ADAMTS8: variants seen among roughly 807,000 people sequenced by gnomAD.
ADAMTS8 encodes ADAM metallopeptidase with thrombospondin type 1 motif 8, also known as A disintegrin and metalloproteinase with thrombospondin motifs 8.
In ADAMTS8, 50 loss-of-function variants were observed where a neutral mutation model predicts 64.4. The ratio of observed to expected loss-of-function variants is 0.78; its 90% CI spans 0.62 to 0.98. The LOEUF (loss-of-function observed/expected upper bound fraction) is 0.98. Ranked by LOEUF, ADAMTS8 falls within the 50% of genes least tolerant of loss-of-function variation. The pLI, the probability that ADAMTS8 is intolerant of heterozygous loss-of-function variation, is 0.00. For missense variants in ADAMTS8, 1,192 were observed against 1,208.2 expected, an observed-to-expected ratio of 0.99 and a Z score of 0.20; for synonymous variants, 556 against 533.6, an observed-to-expected ratio of 1.04 and a Z score of -0.58.
In ADAMTS8 at chr11:130,414,773, G is replaced by A. The variant is rs36124917; in HGVS notation, c.1324C>T (p.Arg442Cys). Residue 442 changes from arginine to cysteine, a missense_variant, in exon 5 of 9, where the codon CGC becomes TGC. Arg to Cys is a radical substitution (Grantham distance 180, BLOSUM62 -3). This residue lies in a region of ADAMTS8 where 741 missense variants were observed against 710.6 expected (regional missense o/e 1.04). Coordinates refer to ENST00000257359, the MANE Select transcript of ADAMTS8 (RefSeq NM_007037.6). ...TGGTCCAGCTGGTACAGGGCCATGC[G>A]GCCCGGGAGGCCTGTGGGGAGGGGC... ...ALPLPTGLPG[R>C]MALYQLDQQC... is the part of the protein sequence containing the mutation. 4.3e-3 allele frequency: 6,922 copies of A among 1,613,172 alleles called. 18 individuals are homozygous for A. The highest frequency in any genetic ancestry group is 5.2e-3 in the Non-Finnish European group (6,192 of 1,179,908).
intron 6 of ADAMTS8, among the ~76,000 whole-genome samples, chr11:130,410,758 C>CT (rs746740409): frequency 2.6e-5 from 4 of 152,162 alleles, no homozygotes; most frequent in Non-Finnish European, 5.9e-5. Context: ...TTTACTGCCT[C>CT]TAAGTTAATG....
chr11:130,422,502 G>A (rs77044255), intron 1 of ADAMTS8, among the ~76,000 whole-genome samples: 8 of 152,226 alleles, frequency 5.3e-5, no homozygotes, highest in African/African-American at 1.2e-4. Context: ...CGGCGCGCCT[G>A]GGGGGAGGTC....
intron 1 of ADAMTS8, 119 bp downstream of exon 1, chr11:130,427,448 G>A: frequency 3.0e-6 from 3 of 993,506 alleles, no homozygotes; most frequent in Non-Finnish European, 4.2e-6. Flanking sequence ...TGAGTGGGGA[G>A]GGCTTTTTTT....
At position 130,414,540 on chromosome 11, in the gene ADAMTS8, C is replaced by T. The variant is rs2134680205; in HGVS notation, c.1557G>A (p.Glu519=). The stretch of plus-strand genomic sequence containing the variant: ...AGGGGCTGTCCCTCACCTTGGGCCT[C>T]TCCACTTCCTCCTCAGGTAGACAGC... ...EGSCLPEEEV[E]RPKPVADGGW... The change falls in exon 5 of 9, where the codon GAG becomes GAA. Residue 519 remains glutamate (E), a synonymous_variant. Transcript: ENST00000257359. The T allele has an allele frequency of 6.3e-7, 1 of 1,599,916 alleles. No individual in the cohort carries two copies. The highest frequency in any genetic ancestry group is 1.7e-5 in the Admixed American group (1 of 59,344).
intron 2 of ADAMTS8, among the ~76,000 whole-genome samples, chr11:130,418,345 G>A (rs1160258942): frequency 6.6e-6 from 1 of 150,746 alleles, no homozygotes; most frequent in African/African-American, 2.5e-5. Flanking sequence ...CCTAGGGCTG[G>A]CTGCATCCTA....
rs375035864 is a variant in ADAMTS8 at position 130,427,575 on chromosome 11, C to T, written c.712G>A (p.Asp238Asn). Reference protein sequence around the residue: ...DASMAAFYGADLQNHILTLMS... With the variant: ...DASMAAFYGANLQNHILTLMS... ...GAGGCTCTCAGTCCTACCTGCAGGT[C>T]GGCCCCGTAGAAGGCAGCCATGGAC... The change falls in exon 1 of 9, where the codon GAC (aspartate) becomes AAC (asparagine). Residue 238 changes from aspartate to asparagine, a missense_variant. Physicochemically the swap from Asp to Asn is conservative, Grantham distance 23 (BLOSUM62 1). Around this residue, in one of 5 missense-constraint regions of ADAMTS8, gnomAD observed 741 missense variants for 710.6 expected, o/e 1.04. Coordinates refer to ENST00000257359, the MANE Select transcript of ADAMTS8 (RefSeq NM_007037.6). 14 of 1,537,320 alleles carry T rather than the reference C, an allele frequency of 9.1e-6. No individual in the cohort carries two copies. In the East Asian group the frequency reaches 1.7e-4, roughly 19 times the overall value.
At chr11:130,418,007 C>CAAAAAAAAAAAAAAAA (rs5795694) in intron 2 of ADAMTS8, among the ~76,000 whole-genome samples, 2 of 93,936 alleles carry the variant, frequency 2.1e-5, no homozygotes, top group Admixed American at 1.2e-4. Context: ...CTACAAAAAG[C>CAAAAAAAAAAAAAAAA]AAAAAAAAAA....
intron 1 of ADAMTS8, among the ~76,000 whole-genome samples, chr11:130,425,656 A>G (rs558947268): frequency 1.2e-4 from 18 of 147,710 alleles, no homozygotes; most frequent in East Asian, 6.0e-4. Context: ...GCTGGAGTGC[A>G]GTGGCGCGGT....
chr11:130,405,652 C>T lies in ADAMTS8; in HGVS notation c.2576G>A (p.Cys859Tyr). Reference sequence around the variant, plus strand: ...AGAGGCCTGGCCGGAGGGGTCCCTGCACTCTACAGTTCGCCTCTGCCAGCC... The same window carrying T: ...AGAGGCCTGGCCGGAGGGGTCCCTGTACTCTACAGTTCGCCTCTGCCAGCC... ...GAGWQRRTVE[C>Y]RDPSGQASAT... Residue 859 changes from cysteine (C) to tyrosine (Y), a missense_variant, in exon 9 of 9, where the codon TGC becomes TAC. Coordinates refer to ENST00000257359, the MANE Select transcript of ADAMTS8 (RefSeq NM_007037.6). 6.2e-7 allele frequency: 1 copy of T among 1,614,124 alleles called. No individual in the cohort carries two copies.
intron 2 of ADAMTS8, 42 bp downstream of exon 2, chr11:130,419,011 T>C (rs2134686016): frequency 1.9e-6 from 3 of 1,611,884 alleles, no homozygotes; most frequent in Non-Finnish European, 2.5e-6. Context: ...CTGCCCATCC[T>C]GTCTCCCTTC....
At chr11:130,408,328 G>T in intron 8 of ADAMTS8, 136 bp downstream of exon 8, 2 of 1,045,398 alleles carry the variant, frequency 1.9e-6, no homozygotes, top group Non-Finnish European at 1.4e-6. Flanking sequence ...AGAAACTGAA[G>T]CTCGGAGAGT....
chr11:130,424,647 G>A (rs1406691905), intron 1 of ADAMTS8, among the ~76,000 whole-genome samples: 1 of 152,188 alleles, frequency 6.6e-6, no homozygotes, highest in African/African-American at 2.4e-5. Context: ...GGAGGTGGGT[G>A]TGGGCAGCCA....
In ADAMTS8 at chr11:130,411,169, C is replaced by T. The variant is rs539217939; in HGVS notation, c.1750+248G>A. On this transcript the variant is annotated intron_variant, in intron 6 of 8. Transcript: ENST00000257359. This position sits in a 1 kb window ranked among gnomAD's most constrained non-coding sequence, Gnocchi z 4.2. Reference sequence around the variant, plus strand: ...AATTTCTCTCCTTGACTTTGCCAGGCTCTCTGAACACTATGAGAGCTGTCC... The same window carrying T: ...AATTTCTCTCCTTGACTTTGCCAGGTTCTCTGAACACTATGAGAGCTGTCC... Among the ~76,000 whole-genome samples, 1 of 152,286 alleles carries T rather than the reference C, an allele frequency of 6.6e-6. No homozygotes were observed. The highest frequency in any genetic ancestry group is 2.1e-4 in the South Asian group (1 of 4,824).
rs778562864 is a variant in ADAMTS8, at chr11:130,428,063, A to T, written c.224T>A (p.Leu75Gln). The change falls in exon 1 of 9, where the codon CTA becomes CAA. Residue 75 changes from leucine (L) to glutamine (Q), a missense_variant. Leu to Gln is a moderately radical substitution (Grantham distance 113). This residue lies in a region of ADAMTS8 where 741 missense variants were observed against 710.6 expected (regional missense o/e 1.04). Transcript: ENST00000257359. Reference protein sequence around the residue: ...VLRLAPDDSFLAPEFKIERLG... With the variant: ...VLRLAPDDSFQAPEFKIERLG... The stretch of plus-strand genomic sequence containing the variant: ...GCGCTCGATCTTGAACTCGGGCGCT[A>T]GGAAGCTGTCGTCGGGCGCCAGGCG... 3.3e-5 allele frequency: 51 copies of T among 1,534,914 alleles called. No homozygotes were observed. Among genetic ancestry groups the T allele is most frequent in the Non-Finnish European group, 4.0e-5 (46 of 1,148,974 alleles).
chr11:130,428,483 T>G lies in ADAMTS8; in HGVS notation c.-197A>C. The G allele has an allele frequency of 7.2e-6, 7 of 977,082 alleles. No individual in the cohort carries two copies. The highest frequency in any genetic ancestry group is 5.1e-4 in the Middle Eastern group (1 of 1,952). The allele number at this position is 977,082 out of a possible 1,614,324, so 60.5% of individuals were successfully genotyped here. On this transcript the variant is annotated 5_prime_UTR_variant, in exon 1 of 9. Coordinates refer to ENST00000257359, the MANE Select transcript of ADAMTS8 (RefSeq NM_007037.6). Reference sequence around the variant, plus strand: ...CCCTCTGGCTGGCGCAGCCCGCTCCTCCCGCGCCGCCGCCCCCGAGCCGAG... The same window carrying G: ...CCCTCTGGCTGGCGCAGCCCGCTCCGCCCGCGCCGCCGCCCCCGAGCCGAG...
At chr11:130,421,713 C>T (rs1240655152) in intron 1 of ADAMTS8, among the ~76,000 whole-genome samples, 2 of 152,184 alleles carry the variant, frequency 1.3e-5, no homozygotes, top group East Asian at 1.9e-4. Flanking sequence ...CGGAGAAGGA[C>T]CACTGAGCCT....
Position 130,428,461 on chromosome 11 carries a change from TCTGG to T in ADAMTS8, c.-179_-176del. 1 of 1,024,240 alleles carries T rather than the reference TCTGG, an allele frequency of 9.8e-7. No individual in the cohort carries two copies. The highest frequency in any genetic ancestry group is 1.7e-5 in the African/African-American group (1 of 57,396). The allele number at this position is 1,024,240 out of a possible 1,614,324, so 63.4% of individuals were successfully genotyped here. A position where few individuals can be genotyped will look rare whatever the true frequency, so the allele number is the denominator to read the frequency against. On this transcript the variant is annotated 5_prime_UTR_variant, in exon 1 of 9. Coordinates refer to ENST00000257359, the MANE Select transcript of ADAMTS8 (RefSeq NM_007037.6). Reference sequence around the variant, plus strand: ...GCGGGAGCGCTCCCCCGGCGGCCCCTCTGGCTGGCGCAGCCCGCTCCTCCCGCGC... The same window carrying T: ...GCGGGAGCGCTCCCCCGGCGGCCCCTCTGGCGCAGCCCGCTCCTCCCGCGC...
rs187793706 is a variant in ADAMTS8, at chr11:130,416,337, A to C, written c.1097-7T>G. 64 of 1,553,862 alleles carry C rather than the reference A, an allele frequency of 4.1e-5. No homozygotes were observed. In the Admixed American group the frequency reaches 1.2e-3, roughly 30 times the overall value. ...GGCATGCTGAGGACGTGCCCTGGGG[A>C]GAGAGGCCTGGTCCACTCCGCCCTG... On this transcript the variant is annotated splice_polypyrimidine_tract_variant and splice_region_variant and intron_variant, in intron 3 of 8. Coordinates refer to ENST00000257359, the MANE Select transcript of ADAMTS8 (RefSeq NM_007037.6). This position sits in a 1 kb window ranked among gnomAD's most constrained non-coding sequence, Gnocchi z 4.8.
chr11:130,418,007 C>CA (rs5795694), intron 2 of ADAMTS8, among the ~76,000 whole-genome samples: 1,098 of 93,852 alleles, frequency 0.012, 15 homozygotes, highest in African/African-American at 0.034. Context: ...CTACAAAAAG[C>CA]AAAAAAAAAA....
Sources: allele counts gnomAD v4.1 joint callset (sites outside exome capture counted in the v4.1 genomes callset), GRCh38; gene constraint gnomAD v4.1.1; regional missense constraint gnomAD v4.1.1; non-coding constraint Gnocchi (gnomAD v3.1); transcripts MANE v1.5; gene names NCBI Gene and HGNC (gene_info 2026-07-23, HGNC 2026-07-21).